The following PRKG1 variants were observed in gnomAD, a reference collection of about 807,000 sequenced individuals.
PRKG1 encodes the protein cGMP-dependent protein kinase 1.
A neutral mutation model predicts 88.1 loss-of-function variants in PRKG1; 35 were observed. The observed-to-expected ratio is 0.40, with a 90% CI of 0.30 to 0.53. The LOEUF is 0.53. PRKG1 is among the 20% of genes least tolerant of loss of function. The pLI is 0.59. For missense variants in PRKG1, 540 were observed against 839.8 expected (o/e 0.64, Z 4.41); for synonymous variants, 303 against 292.5 (o/e 1.04, Z -0.37).
rs191149338 is a variant in PRKG1, at chr10:51,610,173, A to G, written c.592+142337A>G. Among the ~76,000 whole-genome samples, 35 of 152,242 alleles carry G rather than the reference A, an allele frequency of 2.3e-4. No homozygotes were observed. In the South Asian group the frequency reaches 2.5e-3, roughly 11 times the overall value. ...CTCTCTTCTAGTTTTTTTAAAATGTACAATACACTGTCATTAACTATAGTA... is the reference window on the plus strand; with the variant it reads ...CTCTCTTCTAGTTTTTTTAAAATGTGCAATACACTGTCATTAACTATAGTA... On this transcript the variant is annotated intron_variant, in intron 3 of 17. Coordinates refer to ENST00000373980, the MANE Select transcript of PRKG1 (RefSeq NM_006258.4).
chr10:51,976,998 G>A (rs779613673), intron 5 of PRKG1, among the ~76,000 whole-genome samples: 1 of 151,576 alleles, frequency 6.6e-6, no homozygotes, highest in Non-Finnish European at 1.5e-5. Context: ...TTAAGTTTGG[G>A]GCACATGTAC....
intron 3 of PRKG1, among the ~76,000 whole-genome samples, chr10:51,516,414 G>A (rs1401108421): frequency 6.6e-6 from 1 of 151,680 alleles, no homozygotes; most frequent in East Asian, 1.9e-4. Context: ...TTTTGGAAAA[G>A]AAAACATTCA....
intron 7 of PRKG1, among the ~76,000 whole-genome samples, chr10:52,100,273 A>T (rs1308420348): frequency 6.6e-6 from 1 of 152,180 alleles, no homozygotes; most frequent in Non-Finnish European, 1.5e-5. Flanking sequence ...CTTCTGTTGT[A>T]TCTCTAGGGA....
At chr10:52,226,263 G>C (rs1456221728) in intron 9 of PRKG1, among the ~76,000 whole-genome samples, 1 of 152,028 alleles carries the variant, frequency 6.6e-6, no homozygotes, top group African/African-American at 2.4e-5. Flanking sequence ...CCTTGTCTTA[G>C]TTGGTTCAAG....
chr10:52,175,066 G>C (rs919473707), intron 9 of PRKG1, among the ~76,000 whole-genome samples: 1 of 151,930 alleles, frequency 6.6e-6, no homozygotes, highest in African/African-American at 2.4e-5. Flanking sequence ...CAATGATATA[G>C]AACATTAGAA....
At chr10:51,404,999 G>A (rs1837867332) in intron 2 of PRKG1, among the ~76,000 whole-genome samples, 1 of 152,186 alleles carries the variant, frequency 6.6e-6, no homozygotes, top group Non-Finnish European at 1.5e-5. Flanking sequence ...TCTGCAGTAT[G>A]AGTAAACATT....
chr10:50,999,793 T>G (rs7080757), intron 1 of PRKG1, among the ~76,000 whole-genome samples: 136,004 of 152,238 alleles, frequency 0.89, 60,902 homozygotes, highest in African/African-American at 0.95. Context: ...GTCACCAAGG[T>G]ACTTGGCTAC....
At chr10:52,087,715 G>T (rs972192667) in intron 7 of PRKG1, among the ~76,000 whole-genome samples, 3 of 152,102 alleles carry the variant, frequency 2.0e-5, no homozygotes, top group African/African-American at 7.2e-5. Context: ...CCACTAAATT[G>T]CATCTGGCAA....
At chr10:51,604,735 G>A (rs921863778) in intron 3 of PRKG1, among the ~76,000 whole-genome samples, 9 of 152,174 alleles carry the variant, frequency 5.9e-5, no homozygotes, top group Admixed American at 6.5e-5. Context: ...GGGGGAGCAT[G>A]CAGACAGGCA....
chr10:51,997,482 A>G (rs1485868527), intron 5 of PRKG1, among the ~76,000 whole-genome samples: 1 of 151,754 alleles, frequency 6.6e-6, no homozygotes, highest in Non-Finnish European at 1.5e-5. Context: ...AAAAAAAAAA[A>G]AAAAGAAAGA....
At chr10:51,796,631 G>T (rs1014889932) in intron 3 of PRKG1, among the ~76,000 whole-genome samples, 3 of 152,078 alleles carry the variant, frequency 2.0e-5, no homozygotes, top group Non-Finnish European at 4.4e-5. Flanking sequence ...GGTTAATTTT[G>T]TGTCAGTTTG....
intron 1 of PRKG1, among the ~76,000 whole-genome samples, chr10:51,030,922 T>C (rs2132745913): frequency 6.6e-6 from 1 of 152,266 alleles, no homozygotes; most frequent in South Asian, 2.1e-4. Context: ...AGGTATTCCT[T>C]TATGGCAACA....
chr10:51,283,251 G>A, intron 2 of PRKG1, among the ~76,000 whole-genome samples: 1 of 151,876 alleles, frequency 6.6e-6, no homozygotes. Context: ...ACTAACCTTA[G>A]GGAGATAGAT....
intron 3 of PRKG1, chr10:51,699,654 G>C (rs1017026630): frequency 2.1e-5 from 28 of 1,309,916 alleles, no homozygotes; most frequent in Non-Finnish European, 2.8e-5. Context: ...GATCCGGGCA[G>C]AAACTTTACT....
At chr10:51,049,329 A>G (rs1167806072) in intron 1 of PRKG1, among the ~76,000 whole-genome samples, 1 of 152,344 alleles carries the variant, frequency 6.6e-6, no homozygotes, top group Non-Finnish European at 1.5e-5. Flanking sequence ...TAATACTCTC[A>G]TAACTGCCAC....
intron 3 of PRKG1, among the ~76,000 whole-genome samples, chr10:51,692,808 A>G (rs561530370): frequency 6.6e-6 from 1 of 152,320 alleles, no homozygotes; most frequent in South Asian, 2.1e-4. Context: ...TGTAATACAT[A>G]TGAGATTCAT....
At chr10:51,538,841 C>A (rs1842230181) in intron 3 of PRKG1, among the ~76,000 whole-genome samples, 1 of 152,008 alleles carries the variant, frequency 6.6e-6, no homozygotes. Flanking sequence ...TCTTAGACTG[C>A]TGGTATTATA....
At chr10:51,582,228 A>C (rs1325488916) in intron 3 of PRKG1, among the ~76,000 whole-genome samples, 2 of 152,208 alleles carry the variant, frequency 1.3e-5, no homozygotes, top group Non-Finnish European at 2.9e-5. Context: ...TCTCTGAGAA[A>C]ATGTATTATG....
At chr10:51,405,784 G>C (rs200720015) in intron 2 of PRKG1, among the ~76,000 whole-genome samples, 1 of 152,168 alleles carries the variant, frequency 6.6e-6, no homozygotes, top group Admixed American at 6.5e-5. Context: ...CCTGCACACA[G>C]AGAATGGATG....
Sources: allele counts gnomAD v4.1 joint callset (sites outside exome capture counted in the v4.1 genomes callset), GRCh38; gene constraint gnomAD v4.1.1; transcripts MANE v1.5; gene names NCBI Gene and HGNC (gene_info 2026-07-23, HGNC 2026-07-21).